The following IGSF21 variants were observed in gnomAD, a reference collection of about 807,000 sequenced individuals.
IGSF21 encodes the protein immunoglobin superfamily member 21.
A neutral mutation model predicts 46.8 loss-of-function variants in IGSF21; 28 were observed. That is an observed-to-expected ratio of 0.60 (90% confidence interval 0.44 to 0.82). The LOEUF (loss-of-function observed/expected upper bound fraction) is 0.82, where lower values mean the gene tolerates loss of function less well. Among genes scored for constraint, IGSF21 ranks in the 40% least tolerant of loss-of-function variants. IGSF21 has a pLI of 0.00. For missense variants in IGSF21, 624 were observed against 665.5 expected, an observed-to-expected ratio of 0.94 and a Z score of 0.69; for synonymous variants, 284 against 273.6, an observed-to-expected ratio of 1.04 and a Z score of -0.38.
intron 1 of IGSF21, among the ~76,000 whole-genome samples, chr1:18,169,666 G>T (rs116635471): frequency 6.6e-6 from 1 of 152,176 alleles, no homozygotes; most frequent in African/African-American, 2.4e-5. Flanking sequence ...AGTCAGATGC[G>T]CCTGATTAAC....
At chr1:18,222,264 C>A (rs2084517785) in intron 1 of IGSF21, among the ~76,000 whole-genome samples, 1 of 152,188 alleles carries the variant, frequency 6.6e-6, no homozygotes, top group Admixed American at 6.5e-5. Context: ...GGGGGAGGAT[C>A]TCACTTTGTG....
At chr1:18,287,608 T>TCA (rs2085227578) in intron 2 of IGSF21, among the ~76,000 whole-genome samples, 1 of 152,068 alleles carries the variant, frequency 6.6e-6, no homozygotes, top group Non-Finnish European at 1.5e-5. Context: ...CTTGTCTGCC[T>TCA]TGTCACCTCT....
intron 1 of IGSF21, among the ~76,000 whole-genome samples, chr1:18,157,420 T>C (rs2086578323): frequency 6.6e-6 from 1 of 152,168 alleles, no homozygotes; most frequent in African/African-American, 2.4e-5. Flanking sequence ...CCCCTCAAGG[T>C]CTCGGTCATA....
chr1:18,369,220 A>C (rs1252131861), intron 6 of IGSF21, among the ~76,000 whole-genome samples: 1 of 152,128 alleles, frequency 6.6e-6, no homozygotes, highest in Non-Finnish European at 1.5e-5. Flanking sequence ...GCTGAGTGAG[A>C]ATTCAGACTT....
chr1:18,258,050 C>G (rs893371024), intron 2 of IGSF21, among the ~76,000 whole-genome samples: 1 of 152,206 alleles, frequency 6.6e-6, no homozygotes, highest in Non-Finnish European at 1.5e-5. Context: ...GAAACCCAGG[C>G]ACCAATGTGC....
At chr1:18,350,645 T>G (rs1052134404) in intron 4 of IGSF21, among the ~76,000 whole-genome samples, 1 of 150,830 alleles carries the variant, frequency 6.6e-6, no homozygotes, top group Non-Finnish European at 1.5e-5. Flanking sequence ...AAAAAATGCA[T>G]CCCCCTCCCA....
At chr1:18,362,053 A>G (rs755934455) in intron 4 of IGSF21, 62 bp from the exon 5 acceptor site, 16 of 1,219,492 alleles carry the variant, frequency 1.3e-5, no homozygotes, top group Non-Finnish European at 1.9e-5. Flanking sequence ...TTAGGTCATC[A>G]GTGAACTCTT....
At chr1:18,111,993 C>T (rs2086149242) in intron 1 of IGSF21, 1 of 152,280 alleles carries the variant, frequency 6.6e-6, no homozygotes, top group South Asian at 2.1e-4. Flanking sequence ...TTGAACTTCA[C>T]TACACTCTGG....
intron 4 of IGSF21, among the ~76,000 whole-genome samples, chr1:18,349,827 T>C (rs1218162206): frequency 6.6e-6 from 1 of 152,004 alleles, no homozygotes; most frequent in Non-Finnish European, 1.5e-5. Context: ...GGAAGGCCGA[T>C]ATGGGATGAT....
intron 6 of IGSF21, 121 bp from the exon 7 acceptor site, chr1:18,376,189 T>G: frequency 1.3e-6 from 1 of 756,770 alleles, no homozygotes; most frequent in South Asian, 1.4e-5. Flanking sequence ...ATGAGCACAC[T>G]GAGCTTCTCA....
At chr1:18,237,805 A>G (rs2084687164) in intron 2 of IGSF21, among the ~76,000 whole-genome samples, 1 of 152,114 alleles carries the variant, frequency 6.6e-6, no homozygotes, top group Non-Finnish European at 1.5e-5. Context: ...TTCAATCTGG[A>G]ACTGGTAGCA....
intron 3 of IGSF21, among the ~76,000 whole-genome samples, chr1:18,331,996 G>A (rs12410245): frequency 0.37 from 56,881 of 151,980 alleles, 11,284 homozygotes; most frequent in South Asian, 0.5. Context: ...GAGCATCTGG[G>A]GCTGTACACA....
intron 2 of IGSF21, among the ~76,000 whole-genome samples, chr1:18,257,818 C>G (rs915054656): frequency 6.6e-6 from 1 of 152,170 alleles, no homozygotes; most frequent in Non-Finnish European, 1.5e-5. Flanking sequence ...AGGCTCTTCT[C>G]TTTGTCCAGT....
At chr1:18,286,919 C>T (rs181967118) in intron 2 of IGSF21, among the ~76,000 whole-genome samples, 290 of 152,238 alleles carry the variant, frequency 1.9e-3, no homozygotes, top group African/African-American at 6.7e-3. Context: ...CAGTGGCTCA[C>T]GCCTGTAATC....
intron 6 of IGSF21, among the ~76,000 whole-genome samples, chr1:18,370,248 T>G (rs1446228439): frequency 6.6e-6 from 1 of 152,196 alleles, no homozygotes; most frequent in African/African-American, 2.4e-5. Flanking sequence ...AAAACCTTCC[T>G]GTGGTAGACA....
At chr1:18,206,231 C>A (rs998967250) in intron 1 of IGSF21, among the ~76,000 whole-genome samples, 19 of 152,158 alleles carry the variant, frequency 1.2e-4, no homozygotes, top group African/African-American at 4.6e-4. Context: ...AGTGAACGAG[C>A]AAGCCATGTG....
At chr1:18,171,361 A>G (rs2124458927) in intron 1 of IGSF21, among the ~76,000 whole-genome samples, 1 of 152,282 alleles carries the variant, frequency 6.6e-6, no homozygotes, top group East Asian at 1.9e-4. Flanking sequence ...GGGCACCCAT[A>G]GCAACCTGGA....
chr1:18,310,974 C>T (rs2085482985), intron 3 of IGSF21, among the ~76,000 whole-genome samples: 2 of 152,216 alleles, frequency 1.3e-5, no homozygotes. Context: ...GATTAGGGCC[C>T]ACCCAACTCC....
chr1:18,352,129 G>T (rs1171102257), intron 4 of IGSF21, among the ~76,000 whole-genome samples: 1 of 152,174 alleles, frequency 6.6e-6, no homozygotes, highest in Non-Finnish European at 1.5e-5. Context: ...GCTCCAGAGG[G>T]TTCTCTCCTG....
Sources: allele counts gnomAD v4.1 joint callset (sites outside exome capture counted in the v4.1 genomes callset), GRCh38; gene constraint gnomAD v4.1.1; transcripts MANE v1.5; gene names NCBI Gene and HGNC (gene_info 2026-07-23, HGNC 2026-07-21).